Variants in UACA observed in about 807,000 individuals in gnomAD.
The protein encoded by UACA is nuclear membrane binding protein.
A neutral mutation model predicts 160.5 loss-of-function variants in UACA; 112 were observed. The observed-to-expected ratio is 0.70, with a 90% CI of 0.60 to 0.82. UACA has a LOEUF of 0.82. UACA is among the 40% of genes least tolerant of loss of function. The pLI is 0.00. For missense variants in UACA, 1,574 were observed against 1,614.6 expected (o/e 0.97, Z 0.43); for synonymous variants, 557 against 568.4 (o/e 0.98, Z 0.29).
rs1896484839 is a variant in UACA, at chr15:70,656,759, A to T, written c.*297T>A. On this transcript the variant is annotated 3_prime_UTR_variant, in exon 19 of 19. Transcript: ENST00000322954. Reference sequence around the variant, plus strand: ...GCCTAACCTCGCTTCATATGGACTCACTCAGATGGCTCATGTTTTATTAGG... The same window carrying T: ...GCCTAACCTCGCTTCATATGGACTCTCTCAGATGGCTCATGTTTTATTAGG... 2 of 262,386 alleles carry T rather than the reference A, an allele frequency of 7.6e-6. No homozygotes were observed. Among genetic ancestry groups the T allele is most frequent in the Non-Finnish European group, 1.5e-5 (2 of 137,476 alleles). 16.3% of individuals were successfully genotyped at this position (262,386 alleles called of 1,614,324 possible).
At chr15:70,716,647 TA>T (rs1041842743) in intron 1 of UACA, among the ~76,000 whole-genome samples, 3 of 152,228 alleles carry the variant, frequency 2.0e-5, no homozygotes, top group African/African-American at 7.2e-5. Flanking sequence ...ATCCATTATC[TA>T]AAAATAGGGG....
intron 9 of UACA, chr15:70,681,503 T>C (rs1169887562): frequency 1.3e-5 from 2 of 152,214 alleles, no homozygotes; most frequent in Non-Finnish European, 2.9e-5. Context: ...ACTTCAATAT[T>C]TCCTAGAGCA....
At position 70,666,614 on chromosome 15, in the gene UACA, G is replaced by C. The variant is rs950271617; in HGVS notation, c.3960+110C>G. 17 of 879,860 alleles carry C rather than the reference G, an allele frequency of 1.9e-5. No homozygotes were observed. The South Asian group carries it at 5.1e-4, about 26-fold the overall frequency. 54.5% of individuals were successfully genotyped at this position (879,860 alleles called of 1,614,324 possible). On this transcript the variant is annotated intron_variant, in intron 16 of 18. Coordinates refer to ENST00000322954, the MANE Select transcript of UACA (RefSeq NM_018003.4). ...TTTTTGCACGCAAGTTGCTAAACTGGAAAGGGTCACTTTGTTAATACCTGT... is the reference window on the plus strand; with the variant it reads ...TTTTTGCACGCAAGTTGCTAAACTGCAAAGGGTCACTTTGTTAATACCTGT...
chr15:70,712,051 C>CATATATAT (rs57543862), intron 1 of UACA, among the ~76,000 whole-genome samples: 3,306 of 131,946 alleles, frequency 0.025, 355 homozygotes, highest in African/African-American at 0.094. Context: ...AAGCTCCAGG[C>CATATATAT]ATATATATAT....
In UACA at chr15:70,667,192, T is replaced by C; in HGVS notation, c.3492A>G (p.Val1164=). 1 of 1,613,864 alleles carries C rather than the reference T, an allele frequency of 6.2e-7. No homozygotes were observed. The highest frequency in any genetic ancestry group is 8.5e-7 in the Non-Finnish European group (1 of 1,179,926). Reference sequence around the variant, plus strand: ...TAATCTGCAAATGCTCTGCCAGGGGTACAGAAGAGTTCTTTTGATTCTCCA... The same window carrying C: ...TAATCTGCAAATGCTCTGCCAGGGGCACAGAAGAGTTCTTTTGATTCTCCA... ...QLLENQKNSS[V]PLAEHLQIKE... is the part of the protein sequence containing the mutation. Residue 1164 remains valine (V), a synonymous_variant, in exon 16 of 19, where the codon GTA becomes GTG. Transcript: ENST00000322954.
At chr15:70,739,543 A>G (rs1281253145) in intron 1 of UACA, among the ~76,000 whole-genome samples, 5 of 152,210 alleles carry the variant, frequency 3.3e-5, no homozygotes, top group Admixed American at 2.0e-4. Flanking sequence ...TTGCTTTAAA[A>G]GGCTGTTAAA....
chr15:70,743,866 T>C (rs996469142), intron 1 of UACA, among the ~76,000 whole-genome samples: 2 of 152,180 alleles, frequency 1.3e-5, no homozygotes, highest in African/African-American at 4.8e-5. Context: ...TCCAGTTTCA[T>C]TTTAAGTATA....
chr15:70,668,936 T>C lies in UACA; in HGVS notation c.1748A>G (p.Lys583Arg). ...IVEEFKRDEG[K>R]LIEENKRLQK... ...TAATCGCTTATTTTCTTCTATCAGCTTGCCTTCATCCCTCTTAAACTCTTC... is the reference window on the plus strand; with the variant it reads ...TAATCGCTTATTTTCTTCTATCAGCCTGCCTTCATCCCTCTTAAACTCTTC... The change falls in exon 16 of 19, where the codon AAG (lysine) becomes AGG (arginine). Residue 583 changes from lysine to arginine, a missense_variant. By Grantham distance (26) the Lys-to-Arg change is conservative (BLOSUM62 2). Coordinates refer to ENST00000322954, the MANE Select transcript of UACA (RefSeq NM_018003.4). 6.2e-7 allele frequency: 1 copy of C among 1,613,770 alleles called. No homozygotes were observed. The highest frequency in any genetic ancestry group is 2.2e-5 in the East Asian group (1 of 44,878).
intron 1 of UACA, among the ~76,000 whole-genome samples, chr15:70,714,151 C>A (rs146923946): frequency 6.6e-6 from 1 of 152,142 alleles, no homozygotes; most frequent in Non-Finnish European, 1.5e-5. Flanking sequence ...GCAAAGCTTA[C>A]GAAGCATAAA....
At chr15:70,727,337 A>G (rs1178101394) in intron 1 of UACA, among the ~76,000 whole-genome samples, 1 of 152,214 alleles carries the variant, frequency 6.6e-6, no homozygotes, top group South Asian at 2.1e-4. Flanking sequence ...TATTTAATAA[A>G]CCACAATATC....
At chr15:70,671,855 G>A (rs769410587) in intron 14 of UACA, 110 bp downstream of exon 14, 45 of 796,670 alleles carry the variant, frequency 5.6e-5, no homozygotes, top group Non-Finnish European at 7.3e-5. Flanking sequence ...AAGTTTAGCA[G>A]CAGGAATATC....
At chr15:70,759,055 T>TA (rs1486141215) in intron 1 of UACA, among the ~76,000 whole-genome samples, 1 of 152,184 alleles carries the variant, frequency 6.6e-6, no homozygotes, top group African/African-American at 2.4e-5. Context: ...TTGTATTTTT[T>TA]GTGGAGATAG....
Position 70,756,856 on chromosome 15 carries a change from G to C in UACA, c.78+6474C>G, listed in dbSNP as rs137893192. Reference sequence around the variant, plus strand: ...CCACTGCACTCCAGCTGGGGCAACAGAGTGAGACTTCATCTCCAAAAAATA... The same window carrying C: ...CCACTGCACTCCAGCTGGGGCAACACAGTGAGACTTCATCTCCAAAAAATA... On this transcript the variant is annotated intron_variant, in intron 1 of 18. Coordinates refer to ENST00000322954, the MANE Select transcript of UACA (RefSeq NM_018003.4). 2.6e-3 allele frequency among the ~76,000 whole-genome samples: 403 copies of C among 152,338 alleles called. 2 individuals are homozygous for C. The highest frequency in any genetic ancestry group is 3.6e-3 in the Non-Finnish European group (242 of 68,026).
intron 16 of UACA, 64 bp from the exon 17 acceptor site, chr15:70,664,878 A>G: frequency 7.0e-7 from 1 of 1,430,394 alleles, no homozygotes; most frequent in Non-Finnish European, 9.4e-7. Context: ...ACATCTTTGT[A>G]CAGAAATCAT....
intron 5 of UACA, 25 bp from the exon 6 acceptor site, chr15:70,687,845 A>C: frequency 5.0e-6 from 8 of 1,609,372 alleles, no homozygotes; most frequent in Non-Finnish European, 6.0e-6. Context: ...AGAAAATGAT[A>C]AATGGTGAAC....
chr15:70,672,127 G>C, intron 13 of UACA, 126 bp from the exon 14 acceptor site: 1 of 723,220 alleles, frequency 1.4e-6, no homozygotes, highest in Non-Finnish European at 2.1e-6. Flanking sequence ...TTTCTCCAGA[G>C]CATTATTCTA....
intron 1 of UACA, among the ~76,000 whole-genome samples, chr15:70,712,740 G>T (rs1898720946): frequency 6.6e-6 from 1 of 152,178 alleles, no homozygotes; most frequent in Non-Finnish European, 1.5e-5. Flanking sequence ...GTTGCAGAAT[G>T]ATTAAAGAAT....
intron 1 of UACA, among the ~76,000 whole-genome samples, chr15:70,720,143 A>G (rs975511713): frequency 2.0e-5 from 3 of 152,116 alleles, no homozygotes; most frequent in Non-Finnish European, 2.9e-5. Context: ...TGCTCCAGCC[A>G]TGTAAGATAT....
chr15:70,767,044 T>A (rs986761437), upstream of UACA, among the ~76,000 whole-genome samples: 3 of 149,640 alleles, frequency 2.0e-5, no homozygotes, highest in African/African-American at 7.4e-5. Flanking sequence ...ATCGAGACAA[T>A]CCTGGCTAAT....
Sources: gnomAD v4.1 joint callset for allele counts (sites outside exome capture counted in the v4.1 genomes callset) on GRCh38, gnomAD v4.1.1 for gene constraint, MANE v1.5 for transcripts, NCBI Gene and HGNC (gene_info 2026-07-23, HGNC 2026-07-21) for gene names.